The following SEPHS1 variants were observed in gnomAD, a reference collection of about 807,000 sequenced individuals.
SEPHS1 encodes the protein zincore component SEPHS1.
SEPHS1 carries 7 observed loss-of-function variants against 39.2 expected under a neutral mutation model. That is an observed-to-expected ratio of 0.18 (90% CI 0.10 to 0.34). SEPHS1 has a LOEUF of 0.34. Ranked by LOEUF, SEPHS1 falls within the 10% of genes least tolerant of loss-of-function variation. The pLI is 1.00. For missense variants in SEPHS1, 253 were observed against 514.5 expected (o/e 0.49, Z 4.92); for synonymous variants, 190 against 195.5 (o/e 0.97, Z 0.23).
intron 5 of SEPHS1, among the ~76,000 whole-genome samples, chr10:13,333,589 C>A (rs1017366024): frequency 6.6e-6 from 1 of 151,780 alleles, no homozygotes; most frequent in African/African-American, 2.4e-5. Context: ...TACAGGCTTG[C>A]CCCACCATGC....
At chr10:13,329,664 CCCCT>C in intron 6 of SEPHS1, 30 bp downstream of exon 6, 1 of 1,499,918 alleles carries the variant, frequency 6.7e-7, no homozygotes, top group Non-Finnish European at 9.2e-7. Context: ...ACGTACCATT[CCCCT>C]CCCTCCCATC....
intron 7 of SEPHS1, among the ~76,000 whole-genome samples, chr10:13,325,950 A>AT (rs1452385888): frequency 4.9e-5 from 3 of 61,486 alleles, no homozygotes; most frequent in African/African-American, 1.7e-4. Flanking sequence ...CAGTCTCAAA[A>AT]AAAAAAAAAA....
chr10:13,340,923 C>G (rs1317196511), intron 2 of SEPHS1: 1 of 152,188 alleles, frequency 6.6e-6, no homozygotes, highest in Non-Finnish European at 1.5e-5. Context: ...AAGTACAAAA[C>G]AGACAACTGA....
intron 8 of SEPHS1, 63 bp downstream of exon 8, chr10:13,322,772 T>C (rs1026097145): frequency 6.6e-7 from 1 of 1,512,572 alleles, no homozygotes; most frequent in Non-Finnish European, 9.0e-7. Flanking sequence ...GGGCTGCTGC[T>C]TTCTCGCTGA....
In SEPHS1 at chr10:13,323,064, G is replaced by T; in HGVS notation, c.752-17C>A. 1 of 1,610,612 alleles carries T rather than the reference G, an allele frequency of 6.2e-7. No individual in the cohort carries two copies. The highest frequency in any genetic ancestry group is 8.5e-7 in the Non-Finnish European group (1 of 1,177,274). On this transcript the variant is annotated splice_polypyrimidine_tract_variant and intron_variant, in intron 7 of 8. Transcript: ENST00000327347. ...GTCCTGCAGCTGGGAGAGAGAGGGG[G>T]CGGCTCTGAGAAAAAACACCTTTCC...
At chr10:13,325,631 T>C (rs569838799) in intron 7 of SEPHS1, among the ~76,000 whole-genome samples, 23 of 152,234 alleles carry the variant, frequency 1.5e-4, no homozygotes, top group African/African-American at 5.3e-4. Context: ...AATTACCCAG[T>C]CAGCTGGGCA....
intron 2 of SEPHS1, among the ~76,000 whole-genome samples, chr10:13,341,230 C>T (rs969994233): frequency 4.6e-5 from 7 of 152,008 alleles, no homozygotes; most frequent in Admixed American, 3.9e-4. Flanking sequence ...GAAAAACTAG[C>T]GTTTGAAATG....
At chr10:13,339,916 C>T (rs1833739901) in intron 2 of SEPHS1, among the ~76,000 whole-genome samples, 1 of 152,114 alleles carries the variant, frequency 6.6e-6, no homozygotes, top group African/African-American at 2.4e-5. Flanking sequence ...TTGAATCCCC[C>T]ACGAGGATTC....
At chr10:13,322,272 G>C (rs1199086441) in intron 8 of SEPHS1, among the ~76,000 whole-genome samples, 2 of 151,574 alleles carry the variant, frequency 1.3e-5, no homozygotes, top group Non-Finnish European at 2.9e-5. Flanking sequence ...CTCCCAAGCA[G>C]CTGGGATTAA....
At chr10:13,327,000 G>A (rs184865247) in intron 7 of SEPHS1, among the ~76,000 whole-genome samples, 61 of 152,138 alleles carry the variant, frequency 4.0e-4, no homozygotes, top group Non-Finnish European at 7.9e-4. Flanking sequence ...CACCTTGGGA[G>A]GCCAAGGAGG....
chr10:13,322,254 G>A (rs1833140330), intron 8 of SEPHS1, among the ~76,000 whole-genome samples: 1 of 151,364 alleles, frequency 6.6e-6, no homozygotes, highest in Admixed American at 6.6e-5. Context: ...TGATTCTCCT[G>A]GCTCAGCCTC....
intron 6 of SEPHS1, 47 bp downstream of exon 6, chr10:13,329,651 C>T (rs774224958): frequency 4.9e-6 from 7 of 1,427,412 alleles, no homozygotes; most frequent in Non-Finnish European, 4.8e-6. Flanking sequence ...AAATTACCTG[C>T]AAACGTACCA....
intron 3 of SEPHS1, among the ~76,000 whole-genome samples, chr10:13,337,081 G>A (rs1043326668): frequency 2.0e-5 from 3 of 152,144 alleles, no homozygotes; most frequent in Non-Finnish European, 4.4e-5. Context: ...AACCTGGGAG[G>A]TGGAGGTTGC....
In SEPHS1 at chr10:13,348,220, T is replaced by G. The variant is rs977046134; in HGVS notation, c.-299A>C. On this transcript the variant is annotated 5_prime_UTR_variant, in exon 1 of 9. Coordinates refer to ENST00000327347, the MANE Select transcript of SEPHS1 (RefSeq NM_012247.5). ...GCCGGGCCGCCGCGCTCCCGCCGGC[T>G]GGGCGCGCGGGGGTCCTTTAAGGCC... is the stretch of plus-strand genomic sequence containing the variant. 2 of 144,284 alleles carry G rather than the reference T, an allele frequency of 1.4e-5. No homozygotes were observed. The highest frequency in any genetic ancestry group is 2.2e-4 in the East Asian group (1 of 4,580). 8.9% of individuals were successfully genotyped at this position (144,284 alleles called of 1,614,324 possible). A position where few individuals can be genotyped will look rare whatever the true frequency, so the allele number is the denominator to read the frequency against.
intron 2 of SEPHS1, among the ~76,000 whole-genome samples, chr10:13,342,406 C>T (rs1317161142): frequency 2.0e-5 from 3 of 151,918 alleles, no homozygotes; most frequent in African/African-American, 7.3e-5. Context: ...CACCTTGAAA[C>T]CCCGTCTCTA....
intron 7 of SEPHS1, among the ~76,000 whole-genome samples, chr10:13,326,393 G>C (rs933783147): frequency 2.0e-5 from 3 of 151,534 alleles, no homozygotes; most frequent in Admixed American, 2.0e-4. Context: ...AGAATCACTT[G>C]AAGTCGGAAG....
rs553868514 is a variant in SEPHS1 at position 13,343,177 on chromosome 10, T to C, written c.193+1581A>G. Among the ~76,000 whole-genome samples the C allele has an allele frequency of 2.0e-5, 3 of 152,322 alleles. No homozygotes were observed. In the East Asian group the frequency reaches 5.8e-4, roughly 29 times the overall value. The stretch of plus-strand genomic sequence containing the variant: ...TAATTCTTACTTTATGCCGTAATGT[T>C]TTAATTTCATTGGTTTTTGAGCATT... On this transcript the variant is annotated intron_variant, in intron 2 of 8. Coordinates refer to ENST00000327347, the MANE Select transcript of SEPHS1 (RefSeq NM_012247.5).
intron 2 of SEPHS1, among the ~76,000 whole-genome samples, chr10:13,343,594 A>G (rs529394601): frequency 6.6e-6 from 1 of 152,254 alleles, no homozygotes; most frequent in African/African-American, 2.4e-5. Flanking sequence ...CAGGCAGATC[A>G]CCTGAGGTCA....
chr10:13,324,767 T>C (rs768209240), intron 7 of SEPHS1, among the ~76,000 whole-genome samples: 19 of 152,334 alleles, frequency 1.2e-4, no homozygotes, highest in Admixed American at 4.6e-4. Context: ...CAAGCCACCA[T>C]GCCCAGCTAA....
Sources: gnomAD v4.1 joint callset for allele counts (sites outside exome capture counted in the v4.1 genomes callset) on GRCh38, gnomAD v4.1.1 for gene constraint, MANE v1.5 for transcripts, NCBI Gene and HGNC (gene_info 2026-07-23, HGNC 2026-07-21) for gene names.